PNCK: variants seen among roughly 807,000 people sequenced by gnomAD.
PNCK encodes the protein calcium/calmodulin-dependent protein kinase type 1B.
PNCK carries 21 observed loss-of-function variants against 28.3 expected under a neutral mutation model. That is an observed-to-expected ratio of 0.74 (90% CI 0.53 to 1.07). The LOEUF is 1.07. Among genes scored for constraint, PNCK ranks in the 50% least tolerant of loss-of-function variants. The probability of loss-of-function intolerance (pLI) is 0.00; values close to 1 mark genes in which losing one functional copy is unlikely to be tolerated. For synonymous variants in PNCK, 136 were observed against 125.2 expected (o/e 1.09, Z -0.58); for missense variants, 250 against 298.3 (o/e 0.84, Z 1.19).
At position 153,669,936 on chromosome X, in the gene PNCK, G is replaced by T. The variant is rs1986277821; in HGVS notation, c.*202C>A. The T allele has an allele frequency of 3.0e-6, 1 of 337,377 alleles. No individual in the cohort carries two copies. The highest frequency in any genetic ancestry group is 3.1e-5 in the Admixed American group (1 of 32,019). The allele number at this position is 337,377 out of a possible 1,213,427, so 27.8% of individuals were successfully genotyped here. A position where few individuals can be genotyped will look rare whatever the true frequency, so the allele number is the denominator to read the frequency against. ...GCGGGAGAGGCAACAGGGGAGGGGA[G>T]CCACTGCCCCCAGGCAGGGCAGAGC... On this transcript the variant is annotated 3_prime_UTR_variant, in exon 12 of 12. Transcript: ENST00000340888.
chrX:153,686,030 C>T (rs2091417577), intron 1 of PNCK, among the ~76,000 whole-genome samples: 1 of 112,165 alleles, frequency 8.9e-6, no homozygotes, highest in South Asian at 3.7e-4. Context: ...CACTGGACCT[C>T]CCCTCAGATG....
chrX:153,687,254 T>C (rs187267341), intron 1 of PNCK: 2,890 of 248,420 alleles, frequency 0.012, 73 homozygotes, highest in African/African-American at 0.078. Context: ...CCTTGCCTTG[T>C]TCCCGCTCCA....
rs782746502 is a variant in PNCK at position 153,670,594 on chromosome X, G to T, written c.895C>A (p.Arg299=). The part of the protein sequence containing the change: ...RKNFARTHWK[R]AFNATSFLRH... ...AGGAACGAGGTGGCATTGAAGGCTC[G>T]CTGCCAGAAGAGAGGGAGATCAGGC... The change falls in exon 11 of 12, where the codon CGA becomes AGA. Residue 299 remains arginine (R), a splice_region_variant and synonymous_variant. Transcript: ENST00000340888. 1 of 1,209,213 alleles carries T rather than the reference G, an allele frequency of 8.3e-7. No individual in the cohort carries two copies. Among genetic ancestry groups the T allele is most frequent in the Non-Finnish European group, 1.1e-6 (1 of 894,452 alleles).
rs1557039358 is a variant in PNCK at position 153,670,575 on chromosome X, G to A, written c.914C>T (p.Ser305Leu). ...CAGCTTCCGGATGTGGCGCAGGAACGAGGTGGCATTGAAGGCTCGCTGCCA... is the reference window on the plus strand; with the variant it reads ...CAGCTTCCGGATGTGGCGCAGGAACAAGGTGGCATTGAAGGCTCGCTGCCA... ...THWKRAFNAT[S>L]FLRHIRKLGQ... The change falls in exon 11 of 12, where the codon TCG becomes TTG. Residue 305 changes from serine to leucine, a missense_variant. Coordinates refer to ENST00000340888, the MANE Select transcript of PNCK (RefSeq NM_001366977.1). 5.0e-6 allele frequency: 6 copies of A among 1,209,978 alleles called. No individual in the cohort carries two copies. Among genetic ancestry groups the A allele is most frequent in the African/African-American group, 3.5e-5 (2 of 57,590 alleles).
chrX:153,670,766 T>C lies in PNCK; in HGVS notation c.872A>G (p.Asn291Ser), dbSNP rs1557039440. 1 of 1,210,355 alleles carries C rather than the reference T, an allele frequency of 8.3e-7. No homozygotes were observed. Among genetic ancestry groups the C allele is most frequent in the Admixed American group, 2.2e-5 (1 of 46,074 alleles). The part of the protein sequence containing the change: ...LGSVSEQIRK[N>S]FARTHWKRAF... The stretch of plus-strand genomic sequence containing the variant: ...GACCTTCCAGTGTGTCCGAGCAAAG[T>C]TCTTCCGGATCTGCTCACTGACAGA... Residue 291 changes from asparagine (N) to serine (S), a missense_variant, in exon 10 of 12, where the codon AAC becomes AGC. Physicochemically the swap from Asn to Ser is conservative, Grantham distance 46. Transcript: ENST00000340888.
At chrX:153,686,060 G>T (rs1169266664) in intron 1 of PNCK, among the ~76,000 whole-genome samples, 4 of 112,098 alleles carry the variant, frequency 3.6e-5, no homozygotes, top group African/African-American at 1.3e-4. Flanking sequence ...CCACTCCGAG[G>T]GTCCATGGAG....
chrX:153,687,049 C>T (rs2091423741), intron 1 of PNCK: 1 of 150,038 alleles, frequency 6.7e-6, no homozygotes, highest in African/African-American at 3.2e-5. Context: ...CCCCAGGCTA[C>T]TCTTAGCCCT....
At chrX:153,673,614 C>T (rs1603205816) in intron 1 of PNCK, 166 bp downstream of exon 1, 2 of 278,113 alleles carry the variant, frequency 7.2e-6, no homozygotes, top group African/African-American at 2.9e-5. Flanking sequence ...GGGGACCTGG[C>T]AGCCTGGGCC....
rs782162069 is a variant in PNCK at position 153,672,012 on chromosome X, C to T, written c.282G>A (p.Thr94=). Reference sequence around the variant, plus strand: ...TGATGCGGTCAAACAGCTCGCCACCCGTCACCCTGGGGGTGCCAGGGGTTT... The same window carrying T: ...TGATGCGGTCAAACAGCTCGCCACCTGTCACCCTGGGGGTGCCAGGGGTTT... ...SHLYLAMELV[T]GGELFDRIME... Residue 94 remains threonine (T), a synonymous_variant, in exon 5 of 12, where the codon ACG becomes ACA. Transcript: ENST00000340888. The T allele has an allele frequency of 5.0e-6, 6 of 1,209,045 alleles. No homozygotes were observed. In the South Asian group the frequency reaches 5.3e-5, roughly 11 times the overall value.
chrX:153,678,610 G>A (rs911249149), upstream of PNCK, among the ~76,000 whole-genome samples: 1 of 111,869 alleles, frequency 8.9e-6, no homozygotes, highest in Non-Finnish European at 1.9e-5. Context: ...ATTAGAGTGC[G>A]GCGCTTATGT....
chrX:153,670,354 G>A, intron 11 of PNCK, 96 bp downstream of exon 11: 2 of 1,123,310 alleles, frequency 1.8e-6, no homozygotes, highest in South Asian at 2.0e-5. Flanking sequence ...GCCTGTGGGG[G>A]CCACCCCACT....
In PNCK at chrX:153,670,566, C is replaced by T. The variant is rs782198402; in HGVS notation, c.923G>A (p.Arg308His). Residue 308 changes from arginine (R) to histidine (H), a missense_variant, in exon 11 of 12, where the codon CGC (arginine) becomes CAC (histidine). Transcript: ENST00000340888. ...GATCTGCCCCAGCTTCCGGATGTGG[C>T]GCAGGAACGAGGTGGCATTGAAGGC... is the stretch of plus-strand genomic sequence containing the variant. ...KRAFNATSFL[R>H]HIRKLGQIPE... is the part of the protein sequence containing the mutation. 85 of 1,209,862 alleles carry T rather than the reference C, an allele frequency of 7.0e-5. No individual in the cohort carries two copies. The highest frequency in any genetic ancestry group is 1.5e-4 in the Admixed American group (7 of 45,983).
Position 153,671,194 on chromosome X carries a change from G to A in PNCK, c.615-4C>T. On this transcript the variant is annotated splice_polypyrimidine_tract_variant and splice_region_variant and intron_variant, in intron 7 of 11. Transcript: ENST00000340888. Reference sequence around the variant, plus strand: ...GAAGGGGGGGTACCCACACAGCCTGGCACCCACAGATGAATCATCCAGCTG... The same window carrying A: ...GAAGGGGGGGTACCCACACAGCCTGACACCCACAGATGAATCATCCAGCTG... 1 of 1,211,725 alleles carries A rather than the reference G, an allele frequency of 8.3e-7. No individual in the cohort carries two copies. The highest frequency in any genetic ancestry group is 2.3e-4 in the Middle Eastern group (1 of 4,353).
upstream of PNCK, among the ~76,000 whole-genome samples, chrX:153,678,555 T>C (rs1218990119): frequency 1.8e-5 from 2 of 112,218 alleles, no homozygotes; most frequent in African/African-American, 6.5e-5. Context: ...GGTGGAGAGG[T>C]TGCAGAATCA....
intron 1 of PNCK, among the ~76,000 whole-genome samples, chrX:153,683,400 A>G (rs1001304544): frequency 6.4e-5 from 7 of 108,657 alleles, no homozygotes; most frequent in African/African-American, 2.4e-4. Flanking sequence ...TTGGCCTCCC[A>G]AAGTGTTGAG....
At chrX:153,674,243 G>A, upstream of PNCK, 1 of 1,126,467 alleles carries the variant, frequency 8.9e-7, no homozygotes. Flanking sequence ...CACTCACTGG[G>A]CTCCCTCTGG....
intron 1 of PNCK, among the ~76,000 whole-genome samples, chrX:153,683,581 CAG>C (rs1334679493): frequency 1.8e-5 from 2 of 110,823 alleles, no homozygotes; most frequent in Non-Finnish European, 3.8e-5. Context: ...TTAGTAGAGA[CAG>C]GGGTTTCACC....
At chrX:153,672,917 A>C (rs996305316) in intron 2 of PNCK, 92 bp downstream of exon 2, 32 of 1,022,888 alleles carry the variant, frequency 3.1e-5, no homozygotes, top group Non-Finnish European at 3.8e-5. Flanking sequence ...TCTCACACCC[A>C]CTCGCGTAGT....
In PNCK at chrX:153,685,160, G is replaced by T. The variant is rs1175466815; in HGVS notation, c.-3+2271C>A. On this transcript the variant is annotated intron_variant, in intron 1 of 3. Coordinates refer to the PNCK transcript ENST00000419804. ...AAGGGCTGGCGGGGGACAGCTACCC[G>T]GCCCTCAGCTGGGGGCCTGGAGAGC... is the stretch of plus-strand genomic sequence containing the variant. Among the ~76,000 whole-genome samples, 4 of 107,056 alleles carry T rather than the reference G, an allele frequency of 3.7e-5. No homozygotes were observed. In the East Asian group the frequency reaches 1.2e-3, roughly 33 times the overall value. The allele number at this position is 107,056 out of a possible 115,157, so 93.0% of individuals were successfully genotyped here.
Sources: gnomAD v4.1 joint callset for allele counts (sites outside exome capture counted in the v4.1 genomes callset) on GRCh38, gnomAD v4.1.1 for gene constraint, MANE v1.5 for transcripts, NCBI Gene and HGNC (gene_info 2026-07-23, HGNC 2026-07-21) for gene names.